Variants in KLF8 observed in about 807,000 individuals in gnomAD.
KLF8 encodes the protein KLF transcription factor 8.
Under a neutral mutation model 18.2 loss-of-function variants are expected in KLF8, and 10 were observed. That is an observed-to-expected ratio of 0.55 (90% CI 0.34 to 0.93). KLF8 has a LOEUF of 0.93. KLF8 is among the 40% of genes least tolerant of loss of function. The probability of loss-of-function intolerance (pLI) is 0.02; values close to 1 mark genes in which losing one functional copy is unlikely to be tolerated. For missense variants in KLF8, 264 were observed against 277.9 expected (o/e 0.95, Z 0.36); for synonymous variants, 109 against 97.3 (o/e 1.12, Z -0.71).
chrX:56,010,149 C>A, the KLF8 span, among the ~76,000 whole-genome samples: 357 of 110,988 alleles, frequency 3.2e-3, 1 homozygote, highest in African/African-American at 0.012. Context: ...AACCCCAAGA[C>A]ACATAATCAT....
chrX:55,936,717 C>T, the KLF8 span, among the ~76,000 whole-genome samples: 2 of 112,229 alleles, frequency 1.8e-5, no homozygotes, highest in African/African-American at 6.5e-5. Context: ...AAATGGCACA[C>T]CAGGAGATTA....
At chrX:55,988,929 G>A in the KLF8 span, among the ~76,000 whole-genome samples, 1 of 111,501 alleles carries the variant, frequency 9.0e-6, no homozygotes, top group South Asian at 3.7e-4. Flanking sequence ...TCCCTTGTAA[G>A]TTGGATTCCT....
chrX:56,024,538 C>T, the KLF8 span, among the ~76,000 whole-genome samples: 1 of 111,297 alleles, frequency 9.0e-6, no homozygotes, highest in Admixed American at 9.6e-5. Context: ...CTGGAAGGAT[C>T]GGCAGACTAA....
chrX:56,200,645 G>C, the KLF8 span, among the ~76,000 whole-genome samples: 1 of 108,646 alleles, frequency 9.2e-6, no homozygotes, highest in East Asian at 2.9e-4. Context: ...GAGCAGCAAA[G>C]GAAACAATCA....
the KLF8 span, among the ~76,000 whole-genome samples, chrX:56,161,358 A>T: frequency 4.1e-4 from 46 of 111,637 alleles, no homozygotes; most frequent in East Asian, 9.6e-3. Flanking sequence ...TATCCTGCAG[A>T]GTGTTTTCCA....
the KLF8 span, among the ~76,000 whole-genome samples, chrX:56,180,298 G>A: frequency 1.8e-5 from 2 of 111,804 alleles, no homozygotes; most frequent in Non-Finnish European, 3.8e-5. Context: ...ATGGTAGTTT[G>A]TATTTCTTTG....
Position 56,284,299 on chromosome X carries a change from C to T in KLF8, c.899-14C>T. The stretch of plus-strand genomic sequence containing the variant: ...CTCTCTGATTCTCTTTTTTTTGTCA[C>T]ATTCCCTTTTTAGGAGAGAAGCCTT... On this transcript the variant is annotated splice_polypyrimidine_tract_variant and intron_variant, in intron 5 of 5. Coordinates refer to ENST00000468660, the MANE Select transcript of KLF8 (RefSeq NM_007250.5). The T allele has an allele frequency of 9.1e-7, 1 of 1,100,792 alleles. No individual in the cohort carries two copies. Among genetic ancestry groups the T allele is most frequent in the African/African-American group, 1.9e-5 (1 of 53,874 alleles). 90.7% of individuals were successfully genotyped at this position (1,100,792 alleles called of 1,213,427 possible).
chrX:55,982,154 A>T, the KLF8 span, among the ~76,000 whole-genome samples: 1 of 111,554 alleles, frequency 9.0e-6, no homozygotes, highest in Non-Finnish European at 1.9e-5. Context: ...AGGAATAAAG[A>T]ATGTGCATTT....
rs186074215 is a variant in KLF8, at chrX:56,277,234, G to A, written c.898+6913G>A. 7.0e-3 allele frequency among the ~76,000 whole-genome samples: 782 copies of A among 111,573 alleles called. 5 individuals are homozygous for A. Among genetic ancestry groups the A allele is most frequent in the Middle Eastern group, 0.019 (4 of 216 alleles). ...TGCTTGTAGATATTCATTAGCGTCT[G>A]GGCATTGAAGAGTTAGGTATTTATT... On this transcript the variant is annotated intron_variant, in intron 5 of 5. Coordinates refer to ENST00000468660, the MANE Select transcript of KLF8 (RefSeq NM_007250.5).
chrX:55,908,429 G>T, the KLF8 span: 2 of 296,261 alleles, frequency 6.8e-6, no homozygotes, highest in Non-Finnish European at 5.9e-6. Context: ...GGGTGGAGCC[G>T]CTGGGTGGGG....
At chrX:56,247,314 ACAC>A (rs1307697734) in intron 1 of KLF8, among the ~76,000 whole-genome samples, 14 of 111,789 alleles carry the variant, frequency 1.3e-4, no homozygotes, top group African/African-American at 4.5e-4. Context: ...GTGTACCTGA[ACAC>A]CACTTAACAT....
At chrX:56,173,855 G>A in the KLF8 span, among the ~76,000 whole-genome samples, 1 of 111,552 alleles carries the variant, frequency 9.0e-6, no homozygotes, top group Non-Finnish European at 1.9e-5. Flanking sequence ...TATTCTCTTT[G>A]AAGCAATCCT....
At chrX:56,044,377 G>T in the KLF8 span, among the ~76,000 whole-genome samples, 1 of 112,235 alleles carries the variant, frequency 8.9e-6, no homozygotes, top group Non-Finnish European at 1.9e-5. Flanking sequence ...CAGACTGCCT[G>T]TATTCTTCAA....
At chrX:56,215,807 G>A in the KLF8 span, among the ~76,000 whole-genome samples, 100 of 68,782 alleles carry the variant, frequency 1.5e-3, no homozygotes, top group African/African-American at 5.3e-3. Context: ...TAGGAGACAG[G>A]GTGAGACTCT....
the KLF8 span, among the ~76,000 whole-genome samples, chrX:56,059,757 C>A: frequency 4.5e-5 from 5 of 111,353 alleles, no homozygotes; most frequent in South Asian, 3.8e-4. Flanking sequence ...TTTACTGTAG[C>A]CTTGTAGTAT....
chrX:56,114,456 TCTC>T, the KLF8 span, among the ~76,000 whole-genome samples: 1 of 112,867 alleles, frequency 8.9e-6, no homozygotes, highest in Non-Finnish European at 1.9e-5. Context: ...ACTTCAGTGT[TCTC>T]ATTTGTCAGA....
At chrX:56,203,559 A>T in the KLF8 span, among the ~76,000 whole-genome samples, 3 of 111,999 alleles carry the variant, frequency 2.7e-5, no homozygotes, top group Non-Finnish European at 5.7e-5. Context: ...ATAGTTTAAG[A>T]TGTTCGATTC....
At chrX:56,086,359 T>A in the KLF8 span, among the ~76,000 whole-genome samples, 2 of 111,529 alleles carry the variant, frequency 1.8e-5, no homozygotes, top group East Asian at 5.6e-4. Flanking sequence ...ACTTAGAATT[T>A]TCTTGACCCT....
At position 56,259,618 on chromosome X, in the gene KLF8, A is replaced by T. The variant is rs776973823; in HGVS notation, c.82-5562A>T. On this transcript the variant is annotated intron_variant, in intron 2 of 5. Transcript: ENST00000468660. The stretch of plus-strand genomic sequence containing the variant: ...TGAAATCATGCTCCTGGAACACTAA[A>T]TTATCTGTATTAGTCACTAATGTGG... Among the ~76,000 whole-genome samples the T allele has an allele frequency of 2.8e-3, 306 of 110,598 alleles. 1 individual carries two copies. Among genetic ancestry groups the T allele is most frequent in the Non-Finnish European group, 5.0e-3 (267 of 52,883 alleles).
Sources: allele counts gnomAD v4.1 joint callset (sites outside exome capture counted in the v4.1 genomes callset), GRCh38; gene constraint gnomAD v4.1.1; transcripts MANE v1.5; gene names NCBI Gene and HGNC (gene_info 2026-07-23, HGNC 2026-07-21).